The following CNTNAP2 variants were observed in gnomAD, a reference collection of about 807,000 sequenced individuals.
CNTNAP2 encodes contactin-associated protein-like 2.
CNTNAP2 carries 98 observed loss-of-function variants against 155.2 expected under a neutral mutation model. The observed-to-expected ratio is 0.63, with a 90% CI of 0.54 to 0.75. CNTNAP2 has a LOEUF of 0.75. Ranked by LOEUF, CNTNAP2 falls within the 30% of genes least tolerant of loss-of-function variation. CNTNAP2 has a pLI of 0.00. For synonymous variants in CNTNAP2, 651 were observed against 631.2 expected (o/e 1.03, Z -0.47); for missense variants, 1,727 against 1,688.1 (o/e 1.02, Z -0.40).
At chr7:147,108,948 G>A (rs925522741) in intron 5 of CNTNAP2, among the ~76,000 whole-genome samples, 8 of 152,116 alleles carry the variant, frequency 5.3e-5, no homozygotes, top group African/African-American at 9.7e-5. Context: ...GGATGCCGCC[G>A]TGCATAAATG....
intron 13 of CNTNAP2, among the ~76,000 whole-genome samples, chr7:147,713,470 T>C (rs1279684190): frequency 1.3e-5 from 2 of 152,176 alleles, no homozygotes; most frequent in African/African-American, 4.8e-5. Flanking sequence ...ATGTTTTATG[T>C]ATCAGTAGTA....
intron 21 of CNTNAP2, among the ~76,000 whole-genome samples, chr7:148,361,277 C>CA (rs766725921): frequency 3.9e-5 from 6 of 152,176 alleles, no homozygotes; most frequent in Non-Finnish European, 8.8e-5. Flanking sequence ...GGCAAATACT[C>CA]AATCTCTCTG....
intron 10 of CNTNAP2, among the ~76,000 whole-genome samples, chr7:147,401,321 A>C (rs1300642670): frequency 6.6e-6 from 1 of 152,246 alleles, no homozygotes; most frequent in Non-Finnish European, 1.5e-5. Flanking sequence ...GAAATTATGA[A>C]TAGACTAGAT....
chr7:147,221,563 C>T (rs1381119681), intron 8 of CNTNAP2, among the ~76,000 whole-genome samples: 3 of 152,118 alleles, frequency 2.0e-5, no homozygotes, highest in African/African-American at 4.8e-5. Context: ...CCCTAGGACC[C>T]GAGAAGGTGA....
intron 4 of CNTNAP2, among the ~76,000 whole-genome samples, chr7:147,105,201 A>G (rs1800740466): frequency 6.6e-6 from 1 of 151,880 alleles, no homozygotes; most frequent in Non-Finnish European, 1.5e-5. Context: ...ATCTTATTCA[A>G]AGTTAGAAAG....
At chr7:147,973,044 C>A (rs1002223644) in intron 14 of CNTNAP2, among the ~76,000 whole-genome samples, 3 of 151,670 alleles carry the variant, frequency 2.0e-5, no homozygotes, top group African/African-American at 7.3e-5. Context: ...GTACTCCCAA[C>A]TACTCAGGAG....
chr7:147,854,358 C>G (rs780950042), intron 13 of CNTNAP2, among the ~76,000 whole-genome samples: 1 of 151,958 alleles, frequency 6.6e-6, no homozygotes, highest in African/African-American at 2.4e-5. Context: ...ATTCATCATC[C>G]CCTTCTGCAC....
chr7:146,985,991 T>A lies in CNTNAP2; in HGVS notation c.403-57916T>A, dbSNP rs1798108861. Among the ~76,000 whole-genome samples the A allele has an allele frequency of 2.0e-5, 3 of 152,154 alleles. No individual in the cohort carries two copies. The South Asian group carries it at 6.2e-4, about 32-fold the overall frequency. ...TTTTGGTAACACTTTAGGTTGCAAT[T>A]TTTTTAATTTTAATTTTTTTTATTT... On this transcript the variant is annotated intron_variant, in intron 3 of 23. Transcript: ENST00000361727.
chr7:147,459,310 A>G (rs1584960077), intron 10 of CNTNAP2, among the ~76,000 whole-genome samples: 1 of 152,234 alleles, frequency 6.6e-6, no homozygotes, highest in Non-Finnish European at 1.5e-5. Context: ...GAAAGCTGAG[A>G]AAGCTGCCTT....
chr7:146,233,225 T>G (rs2116916774), intron 1 of CNTNAP2, among the ~76,000 whole-genome samples: 1 of 152,272 alleles, frequency 6.6e-6, no homozygotes. Context: ...ATAGGAACAT[T>G]TATCACAGAT....
chr7:146,267,622 G>A (rs1427741381), intron 1 of CNTNAP2, among the ~76,000 whole-genome samples: 10 of 152,134 alleles, frequency 6.6e-5, no homozygotes, highest in South Asian at 2.1e-4. Flanking sequence ...TTTTCACCAC[G>A]TGAGGACACA....
At chr7:147,443,801 A>G (rs1797683960) in intron 10 of CNTNAP2, among the ~76,000 whole-genome samples, 1 of 152,226 alleles carries the variant, frequency 6.6e-6, no homozygotes, top group Admixed American at 6.5e-5. Context: ...ATCCTAAAAC[A>G]TTAAAAAGAG....
At chr7:147,803,154 C>T (rs1798034884) in intron 13 of CNTNAP2, among the ~76,000 whole-genome samples, 2 of 152,092 alleles carry the variant, frequency 1.3e-5, no homozygotes, top group African/African-American at 4.8e-5. Context: ...AATGTTTTTA[C>T]TGAGAATTTA....
At chr7:146,999,999 A>T (rs943167037) in intron 3 of CNTNAP2, among the ~76,000 whole-genome samples, 8 of 151,778 alleles carry the variant, frequency 5.3e-5, no homozygotes, top group Non-Finnish European at 8.8e-5. Context: ...AATGCCAATG[A>T]TTATTATATT....
chr7:147,643,652 T>A (rs1183641759), intron 13 of CNTNAP2, among the ~76,000 whole-genome samples: 1 of 152,216 alleles, frequency 6.6e-6, no homozygotes, highest in African/African-American at 2.4e-5. Context: ...ACTTGTGACA[T>A]CTGTTCAAAT....
chr7:147,984,976 A>G (rs996138971), intron 15 of CNTNAP2, among the ~76,000 whole-genome samples: 11 of 151,958 alleles, frequency 7.2e-5, no homozygotes, highest in African/African-American at 2.2e-4. Context: ...TCAGCTGCGC[A>G]TGTTGGTGCG....
intron 2 of CNTNAP2, among the ~76,000 whole-genome samples, chr7:146,815,589 T>TA (rs1158537167): frequency 2.0e-5 from 3 of 152,140 alleles, no homozygotes; most frequent in Non-Finnish European, 4.4e-5. Flanking sequence ...TCCATATATA[T>TA]TTTTTAATTG....
intron 13 of CNTNAP2, among the ~76,000 whole-genome samples, chr7:147,640,498 T>C (rs1795254446): frequency 6.6e-6 from 1 of 152,102 alleles, no homozygotes; most frequent in Non-Finnish European, 1.5e-5. Flanking sequence ...TTTTTTAAAA[T>C]CATGTTAAGC....
At position 147,722,286 on chromosome 7, in the gene CNTNAP2, A is replaced by G. The variant is rs182206123; in HGVS notation, c.2098+82980A>G. Among the ~76,000 whole-genome samples the G allele has an allele frequency of 2.6e-5, 4 of 152,280 alleles. No homozygotes were observed. In the East Asian group the frequency reaches 5.8e-4, roughly 22 times the overall value. The stretch of plus-strand genomic sequence containing the variant: ...TAATCTTACATTAATTACATTTTAA[A>G]TTAACCACAATATGCTCTTTCAGCA... On this transcript the variant is annotated intron_variant, in intron 13 of 23. Transcript: ENST00000361727.
Sources: allele counts gnomAD v4.1 joint callset (sites outside exome capture counted in the v4.1 genomes callset), GRCh38; gene constraint gnomAD v4.1.1; transcripts MANE v1.5; gene names NCBI Gene and HGNC (gene_info 2026-07-23, HGNC 2026-07-21).